The following MPDZ variants were observed in gnomAD, a reference collection of about 807,000 sequenced individuals.
The protein encoded by MPDZ is multiple PDZ domain protein.
In MPDZ, 234 loss-of-function variants were observed where a neutral mutation model predicts 239.1. That is an observed-to-expected ratio of 0.98 (90% CI 0.88 to 1.09). The LOEUF (loss-of-function observed/expected upper bound fraction) is 1.09, where lower values mean the gene tolerates loss of function less well. Among genes scored for constraint, MPDZ ranks in the 50% least tolerant of loss-of-function variants. The pLI is 0.00. For synonymous variants in MPDZ, 1,048 were observed against 881.3 expected (o/e 1.19, Z -3.35); for missense variants, 3,175 against 2,510.0 (o/e 1.26, Z -5.66).
intron 10 of MPDZ, among the ~76,000 whole-genome samples, chr9:13,210,719 C>G (rs1462591306): frequency 6.6e-6 from 1 of 152,008 alleles, no homozygotes; most frequent in Non-Finnish European, 1.5e-5. Flanking sequence ...AATGATGGGA[C>G]TCAAAAGAGA....
chr9:13,182,429 T>A (rs533994283), intron 19 of MPDZ, among the ~76,000 whole-genome samples: 1 of 152,266 alleles, frequency 6.6e-6, no homozygotes, highest in East Asian at 1.9e-4. Flanking sequence ...ACTTCCTTTT[T>A]TCTCCAAGGA....
chr9:13,140,171 A>C, intron 27 of MPDZ, 22 bp from the exon 28 acceptor site: 1 of 1,611,682 alleles, frequency 6.2e-7, no homozygotes, highest in Non-Finnish European at 8.5e-7. Flanking sequence ...AAAAGAATGC[A>C]GTGGGTTTGT....
intron 16 of MPDZ, 68 bp downstream of exon 16, chr9:13,190,043 TATC>T (rs1954681784): frequency 7.4e-7 from 1 of 1,358,586 alleles, no homozygotes; most frequent in Non-Finnish European, 1.0e-6. Context: ...GGTTATAAAC[TATC>T]ATCATCTGCT....
intron 35 of MPDZ, 98 bp from the exon 36 acceptor site, chr9:13,123,396 G>T: frequency 1.0e-6 from 1 of 975,688 alleles, no homozygotes; most frequent in South Asian, 1.5e-5. Context: ...ATGGGGCAGA[G>T]AAATGGGCCC....
rs1232371672 is a variant in MPDZ, at chr9:13,188,389, CTGT to C, written c.2364+392_2364+394del. On this transcript the variant is annotated intron_variant, in intron 17 of 46. Transcript: ENST00000319217. ...AAAAATTAGCCAGGCATGGTCGTGG[CTGT>C]AGTCCCAGCAACTCAGGAGGTCTTA... Among the ~76,000 whole-genome samples the C allele has an allele frequency of 4.6e-5, 7 of 152,018 alleles. 1 individual carries two copies. The South Asian group carries it at 8.3e-4, about 18-fold the overall frequency.
At chr9:13,249,106 A>T (rs1464112007) in intron 2 of MPDZ, among the ~76,000 whole-genome samples, 6 of 107,612 alleles carry the variant, frequency 5.6e-5, no homozygotes, top group Admixed American at 1.0e-4. Flanking sequence ...TCATGGGTTC[A>T]CACACACACA....
At chr9:13,140,283 T>C (rs890746893) in intron 27 of MPDZ, 134 bp from the exon 28 acceptor site, 2 of 494,720 alleles carry the variant, frequency 4.0e-6, no homozygotes, top group Non-Finnish European at 6.3e-6. Context: ...AGCTCATATA[T>C]GTATATAATA....
Position 13,193,110 on chromosome 9 carries a change from C to T in MPDZ, c.1803+57G>A, listed in dbSNP as rs1225317782. ...AGAATTTATTCACCACATTAAGCCT[C>T]CTGCAAGCTTTTCCATGTCTTATTT... is the stretch of plus-strand genomic sequence containing the variant. On this transcript the variant is annotated intron_variant, in intron 14 of 46. Coordinates refer to ENST00000319217, the MANE Select transcript of MPDZ (RefSeq NM_001378778.1). The T allele has an allele frequency of 3.6e-6, 5 of 1,395,466 alleles. No individual in the cohort carries two copies. In the Admixed American group the frequency reaches 1.2e-4, roughly 34 times the overall value. 86.4% of individuals were successfully genotyped at this position (1,395,466 alleles called of 1,614,324 possible).
At chr9:13,261,867 C>T (rs1369193064) in intron 1 of MPDZ, among the ~76,000 whole-genome samples, 2 of 98,282 alleles carry the variant, frequency 2.0e-5, no homozygotes, top group African/African-American at 3.8e-5. Context: ...CCTGTCTCTA[C>T]AAAAAAAAAA....
intron 3 of MPDZ, among the ~76,000 whole-genome samples, chr9:13,231,423 T>C (rs545462910): frequency 1.3e-5 from 2 of 152,092 alleles, no homozygotes; most frequent in East Asian, 3.9e-4. Context: ...AAAAATTAGC[T>C]GAGCATGGTT....
intron 13 of MPDZ, among the ~76,000 whole-genome samples, chr9:13,193,656 G>C (rs563789770): frequency 2.0e-4 from 30 of 152,270 alleles, no homozygotes; most frequent in Admixed American, 2.6e-4. Context: ...AGCTAGAAAA[G>C]GGTTTGAAGC....
chr9:13,158,245 A>G, intron 23 of MPDZ, 135 bp from the exon 24 acceptor site: 2 of 648,174 alleles, frequency 3.1e-6, no homozygotes, highest in Admixed American at 6.0e-5. Flanking sequence ...TAAGTATAAA[A>G]TATTTTTACA....
intron 21 of MPDZ, among the ~76,000 whole-genome samples, chr9:13,169,125 C>G (rs1951465733): frequency 6.6e-6 from 1 of 152,088 alleles, no homozygotes; most frequent in African/African-American, 2.4e-5. Context: ...GTCTTCATAC[C>G]TGGAGCCTAC....
At chr9:13,208,876 T>C (rs914770432) in intron 10 of MPDZ, among the ~76,000 whole-genome samples, 2 of 152,102 alleles carry the variant, frequency 1.3e-5, no homozygotes, top group Non-Finnish European at 2.9e-5. Context: ...AGTATCTGGC[T>C]CTGTTCTTTC....
In MPDZ at chr9:13,136,775, C is replaced by G. The variant is rs911264355; in HGVS notation, c.4229G>C (p.Ser1410Thr). ...AATGATTGATGAGGCATTCTGATGA[C>G]TTCTTCCATATAAAATCTGACCATT... The part of the protein sequence containing the change: ...EINGQILYGR[S>T]HQNASSIIKC... Residue 1410 changes from serine (S) to threonine (T), a missense_variant, in exon 30 of 47, where the codon AGT (serine) becomes ACT (threonine). Physicochemically the swap from Ser to Thr is moderately conservative, Grantham distance 58 (BLOSUM62 1). Transcript: ENST00000319217. 6.2e-7 allele frequency: 1 copy of G among 1,601,766 alleles called. No individual in the cohort carries two copies.
chr9:13,111,471 T>G (rs1302271020), intron 43 of MPDZ, among the ~76,000 whole-genome samples: 1 of 152,192 alleles, frequency 6.6e-6, no homozygotes, highest in African/African-American at 2.4e-5. Flanking sequence ...GAGACTGAGT[T>G]GCGTTAATGG....
At chr9:13,253,806 G>C (rs1968726115) in intron 1 of MPDZ, among the ~76,000 whole-genome samples, 1 of 152,192 alleles carries the variant, frequency 6.6e-6, no homozygotes, top group South Asian at 2.1e-4. Context: ...CAGCACTAAT[G>C]CTGAAGCAGA....
intron 24 of MPDZ, among the ~76,000 whole-genome samples, chr9:13,157,604 C>G (rs1345175890): frequency 6.6e-6 from 1 of 151,954 alleles, no homozygotes; most frequent in Admixed American, 6.6e-5. Context: ...CCTGTGGTAA[C>G]AAGGCTATGA....
At chr9:13,238,570 G>C (rs138343031) in intron 3 of MPDZ, among the ~76,000 whole-genome samples, 2 of 151,976 alleles carry the variant, frequency 1.3e-5, no homozygotes, top group African/African-American at 2.4e-5. Flanking sequence ...ACATGTGTCC[G>C]TGTCCTTAAT....
Sources: allele counts gnomAD v4.1 joint callset (sites outside exome capture counted in the v4.1 genomes callset), GRCh38; gene constraint gnomAD v4.1.1; transcripts MANE v1.5; gene names NCBI Gene and HGNC (gene_info 2026-07-23, HGNC 2026-07-21).